RBFOX1: variants seen among roughly 807,000 people sequenced by gnomAD.
RBFOX1 encodes the protein RNA binding fox-1 homolog 1.
A neutral mutation model predicts 57.7 loss-of-function variants in RBFOX1; 8 were observed. The ratio of observed to expected loss-of-function variants is 0.14; its 90% CI spans 0.08 to 0.25. RBFOX1 has a LOEUF of 0.25. RBFOX1 is among the 10% of genes least tolerant of loss of function. The pLI, the probability that RBFOX1 is intolerant of heterozygous loss-of-function variation, is 1.00. For missense variants in RBFOX1, 611 were observed against 548.5 expected (o/e 1.11, Z -1.14); for synonymous variants, 326 against 222.4 (o/e 1.47, Z -4.15).
chr16:5,303,437 C>A (rs2063853923), intron 1 of RBFOX1, among the ~76,000 whole-genome samples: 1 of 152,160 alleles, frequency 6.6e-6, no homozygotes, highest in Non-Finnish European at 1.5e-5. Context: ...TAGGGGCTAC[C>A]AGACTTCTGT....
chr16:7,389,111 C>G (rs1231656500), intron 4 of RBFOX1, among the ~76,000 whole-genome samples: 1 of 151,996 alleles, frequency 6.6e-6, no homozygotes, highest in African/African-American at 2.4e-5. Flanking sequence ...TGGTCTATTT[C>G]TTTGTTCCTT....
At chr16:5,453,692 C>T (rs1255252787) in intron 1 of RBFOX1, among the ~76,000 whole-genome samples, 1 of 152,180 alleles carries the variant, frequency 6.6e-6, no homozygotes, top group East Asian at 1.9e-4. Context: ...TCATCAGGTA[C>T]TTATCATTCA....
intron 3 of RBFOX1, among the ~76,000 whole-genome samples, chr16:5,672,014 G>A (rs2050025915): frequency 6.6e-6 from 1 of 152,148 alleles, no homozygotes; most frequent in South Asian, 2.1e-4. Flanking sequence ...CCAGTTAAAT[G>A]GGTGGAGAGA....
At chr16:7,125,759 A>C (rs970456641) in intron 4 of RBFOX1, among the ~76,000 whole-genome samples, 2 of 152,104 alleles carry the variant, frequency 1.3e-5, no homozygotes, top group African/African-American at 4.8e-5. Context: ...TTGTGAGGCC[A>C]AGGATATGAC....
chr16:7,327,040 G>C (rs1428482841), intron 4 of RBFOX1, among the ~76,000 whole-genome samples: 2 of 152,184 alleles, frequency 1.3e-5, no homozygotes, highest in African/African-American at 2.4e-5. Context: ...TATTAAAAGA[G>C]TCATGATATG....
intron 3 of RBFOX1, among the ~76,000 whole-genome samples, chr16:6,941,127 T>G (rs1012697822): frequency 6.6e-6 from 1 of 151,972 alleles, no homozygotes; most frequent in Non-Finnish European, 1.5e-5. Context: ...TCATTTCAAG[T>G]CTACTGGGAT....
intron 1 of RBFOX1, among the ~76,000 whole-genome samples, chr16:5,296,506 A>G (rs1363554717): frequency 1.3e-5 from 2 of 152,140 alleles, no homozygotes; most frequent in African/African-American, 2.4e-5. Context: ...GAAAAAGTCA[A>G]CGAGACAAAT....
chr16:6,573,023 C>G (rs957722761), intron 2 of RBFOX1, among the ~76,000 whole-genome samples: 2 of 152,162 alleles, frequency 1.3e-5, no homozygotes, highest in Non-Finnish European at 2.9e-5. Flanking sequence ...ATTAAGAGAT[C>G]AAGTCAACAC....
At chr16:5,390,263 G>A (rs2066368132) in intron 1 of RBFOX1, among the ~76,000 whole-genome samples, 1 of 146,792 alleles carries the variant, frequency 6.8e-6, no homozygotes, top group Admixed American at 6.9e-5. Context: ...AATATAGTAT[G>A]TAAATATCGA....
intron 14 of RBFOX1, among the ~76,000 whole-genome samples, chr16:7,681,249 G>A (rs1482210843): frequency 2.0e-5 from 3 of 152,094 alleles, no homozygotes; most frequent in Non-Finnish European, 4.4e-5. Flanking sequence ...ATGGATAGAT[G>A]GAGATAAATC....
chr16:7,472,034 A>G (rs1466852637), intron 4 of RBFOX1, among the ~76,000 whole-genome samples: 2 of 152,210 alleles, frequency 1.3e-5, no homozygotes, highest in African/African-American at 4.8e-5. Context: ...ACACTTTAGT[A>G]TATATTTGAC....
rs138112270 is a variant in RBFOX1 at position 7,297,472 on chromosome 16, C to T, written c.28-220675C>T. 2.7e-3 allele frequency among the ~76,000 whole-genome samples: 407 copies of T among 152,212 alleles called. 2 individuals are homozygous for T. Among genetic ancestry groups the T allele is most frequent in the African/African-American group, 8.9e-3 (368 of 41,538 alleles). ...TGTCCCTAAGAAGTTATGCTGTAAA[C>T]GGATAAGAGATTCTGGGTTACTGAA... On this transcript the variant is annotated intron_variant, in intron 4 of 15. Transcript: ENST00000550418.
intron 4 of RBFOX1, among the ~76,000 whole-genome samples, chr16:7,473,430 T>TA (rs2061973903): frequency 1.4e-5 from 2 of 148,070 alleles, no homozygotes; most frequent in Admixed American, 1.4e-4. Context: ...ACATAGTATA[T>TA]AATATATATT....
chr16:6,095,990 C>T lies in RBFOX1; in HGVS notation c.-127+75998C>T, dbSNP rs202135681. Among the ~76,000 whole-genome samples the T allele has an allele frequency of 2.6e-5, 4 of 152,352 alleles. No individual in the cohort carries two copies. In the East Asian group the frequency reaches 7.7e-4, roughly 29 times the overall value. ...CACCCAGGCCACGATGGGGAAGAGC[C>T]TGGCCTGCCCCAAAGGTGGCCCTTT... On this transcript the variant is annotated intron_variant, in intron 1 of 15. Transcript: ENST00000550418.
At chr16:6,352,959 A>C (rs926097113) in intron 2 of RBFOX1, among the ~76,000 whole-genome samples, 4 of 152,182 alleles carry the variant, frequency 2.6e-5, no homozygotes, top group African/African-American at 9.6e-5. Flanking sequence ...GCTTTGGGGC[A>C]TGAGAAACAA....
At chr16:5,899,237 TACAAAC>T (rs2058247497) in intron 4 of RBFOX1, among the ~76,000 whole-genome samples, 1 of 149,796 alleles carries the variant, frequency 6.7e-6, no homozygotes, top group South Asian at 2.1e-4. Context: ...TGATGAGAAA[TACAAAC>T]ACAATCTTAT....
intron 4 of RBFOX1, among the ~76,000 whole-genome samples, chr16:5,871,145 A>G (rs969173179): frequency 6.6e-6 from 1 of 152,230 alleles, no homozygotes; most frequent in African/African-American, 2.4e-5. Context: ...CACAGTTTTA[A>G]TAAGATGGCA....
intron 4 of RBFOX1, among the ~76,000 whole-genome samples, chr16:7,282,993 G>A (rs528553176): frequency 6.6e-6 from 1 of 152,244 alleles, no homozygotes; most frequent in South Asian, 2.1e-4. Flanking sequence ...TTTCTTCAAT[G>A]CACTCATTGG....
At chr16:5,945,921 C>T (rs764289051) in intron 4 of RBFOX1, among the ~76,000 whole-genome samples, 3 of 152,172 alleles carry the variant, frequency 2.0e-5, no homozygotes, top group Non-Finnish European at 4.4e-5. Context: ...ATGCCATGGG[C>T]GAGAGAGGGA....
Sources: allele counts gnomAD v4.1 joint callset (sites outside exome capture counted in the v4.1 genomes callset), GRCh38; gene constraint gnomAD v4.1.1; transcripts MANE v1.5; gene names NCBI Gene and HGNC (gene_info 2026-07-23, HGNC 2026-07-21).